RCSD1: variants seen among roughly 807,000 people sequenced by gnomAD.
RCSD1 encodes RCSD domain containing 1.
Under a neutral mutation model 42.5 loss-of-function variants are expected in RCSD1, and 26 were observed. That is an observed-to-expected ratio of 0.61 (90% CI 0.45 to 0.85). RCSD1 has a LOEUF of 0.85. Among genes scored for constraint, RCSD1 ranks in the 40% least tolerant of loss-of-function variants. The probability of loss-of-function intolerance (pLI) is 0.00; values close to 1 mark genes in which losing one functional copy is unlikely to be tolerated. For missense variants in RCSD1, 571 were observed against 528.3 expected (o/e 1.08, Z -0.79); for synonymous variants, 220 against 212.2 (o/e 1.04, Z -0.32).
At chr1:167,702,966 C>T (rs1431192772) in intron 6 of RCSD1, among the ~76,000 whole-genome samples, 3 of 152,082 alleles carry the variant, frequency 2.0e-5, no homozygotes, top group South Asian at 4.1e-4. Flanking sequence ...CAATAAGTGC[C>T]GACTTCCTAA....
chr1:167,652,636 G>A (rs1013152722), intron 1 of RCSD1, among the ~76,000 whole-genome samples: 2 of 151,970 alleles, frequency 1.3e-5, no homozygotes, highest in Non-Finnish European at 2.9e-5. Flanking sequence ...TTTGCCCATC[G>A]AATGCACCTC....
chr1:167,676,513 T>C (rs1438134902), intron 1 of RCSD1, among the ~76,000 whole-genome samples: 2 of 152,254 alleles, frequency 1.3e-5, no homozygotes, highest in Non-Finnish European at 2.9e-5. Context: ...TGTTGTTCTT[T>C]GTGCTTTCCC....
chr1:167,696,935 T>C (rs12093287), intron 5 of RCSD1, among the ~76,000 whole-genome samples, 164 bp from the exon 6 acceptor site: 10,685 of 152,268 alleles, frequency 0.07, 440 homozygotes, highest in Middle Eastern at 0.12. Context: ...ATGGCTCTAA[T>C]CTATAATAAA....
intron 6 of RCSD1, among the ~76,000 whole-genome samples, chr1:167,702,206 G>C (rs898185546): frequency 6.6e-6 from 1 of 152,222 alleles, no homozygotes. Context: ...AAGCACAAAG[G>C]CTGGAGCAAT....
intron 1 of RCSD1, among the ~76,000 whole-genome samples, chr1:167,639,700 G>A (rs186527541): frequency 1.1e-3 from 173 of 152,248 alleles, no homozygotes; most frequent in African/African-American, 4.0e-3. Flanking sequence ...CACCATGTTG[G>A]CCAGGCTGGT....
In RCSD1 at chr1:167,697,568, C is replaced by G; in HGVS notation, c.944C>G (p.Thr315Arg). 6.2e-7 allele frequency: 1 copy of G among 1,607,400 alleles called. No individual in the cohort carries two copies. Among genetic ancestry groups the G allele is most frequent in the Non-Finnish European group, 8.5e-7 (1 of 1,177,084 alleles). Residue 315 changes from threonine to arginine, a missense_variant, in exon 6 of 7, where the codon ACA becomes AGA. Transcript: ENST00000367854. ...AGEEAEMEKA[T>R]EVKGERVQNE... ...GAGGAAGCAGAGATGGAAAAGGCTACAGAGGTGAAGGGGGAGAGGGTGCAA... is the reference window on the plus strand; with the variant it reads ...GAGGAAGCAGAGATGGAAAAGGCTAGAGAGGTGAAGGGGGAGAGGGTGCAA...
At chr1:167,681,390 T>G (rs1051131855) in intron 1 of RCSD1, among the ~76,000 whole-genome samples, 14 of 152,168 alleles carry the variant, frequency 9.2e-5, no homozygotes, top group Admixed American at 8.5e-4. Flanking sequence ...GAGGGGCTGA[T>G]GGTGACAGGA....
At chr1:167,680,480 G>GTTT (rs1659054712) in intron 1 of RCSD1, among the ~76,000 whole-genome samples, 1 of 150,274 alleles carries the variant, frequency 6.7e-6, no homozygotes, top group Admixed American at 6.6e-5. Context: ...TTTTGTTTTT[G>GTTT]TTTTTGTTTT....
At chr1:167,637,730 CCA>C (rs66925392) in intron 1 of RCSD1, among the ~76,000 whole-genome samples, 76,139 of 146,510 alleles carry the variant, frequency 0.52, 20,594 homozygotes, top group East Asian at 0.75. Context: ...TAGGAATAGA[CCA>C]CACACACACA....
chr1:167,681,349 C>T (rs1223983459), intron 1 of RCSD1, among the ~76,000 whole-genome samples: 2 of 152,162 alleles, frequency 1.3e-5, no homozygotes, highest in Non-Finnish European at 1.5e-5. Flanking sequence ...ATCAATCAGT[C>T]TTCTGCAACA....
chr1:167,646,944 A>G (rs1430277069), intron 1 of RCSD1, among the ~76,000 whole-genome samples: 1 of 152,152 alleles, frequency 6.6e-6, no homozygotes, highest in Non-Finnish European at 1.5e-5. Context: ...AGCCTGACCA[A>G]CATGGTGAAA....
chr1:167,636,494 G>A (rs1657854873), intron 1 of RCSD1, among the ~76,000 whole-genome samples: 2 of 152,246 alleles, frequency 1.3e-5, no homozygotes, highest in South Asian at 2.1e-4. Flanking sequence ...CTGGCCTCGA[G>A]GTAGCAATCA....
chr1:167,665,320 T>A (rs1003532515), intron 1 of RCSD1, among the ~76,000 whole-genome samples: 8 of 151,924 alleles, frequency 5.3e-5, no homozygotes, highest in Admixed American at 3.3e-4. Flanking sequence ...TGCTGAATAG[T>A]ATTCCATAAT....
At chr1:167,685,052 C>T (rs1659193464) in intron 2 of RCSD1, among the ~76,000 whole-genome samples, 1 of 152,122 alleles carries the variant, frequency 6.6e-6, no homozygotes, top group Admixed American at 6.5e-5. Context: ...ACAGTACAGG[C>T]ATGTCATAAA....
At chr1:167,690,670 T>A (rs1398662430) in intron 4 of RCSD1, among the ~76,000 whole-genome samples, 1 of 151,904 alleles carries the variant, frequency 6.6e-6, no homozygotes, top group Non-Finnish European at 1.5e-5. Context: ...CAAGCTCCTG[T>A]CTTCAAAAAC....
intron 1 of RCSD1, among the ~76,000 whole-genome samples, chr1:167,649,621 A>G (rs1018107003): frequency 1.3e-5 from 2 of 152,184 alleles, no homozygotes; most frequent in Non-Finnish European, 2.9e-5. Flanking sequence ...AGAGCATGGT[A>G]TGAGGCCTTT....
At chr1:167,700,377 G>A (rs778841972) in intron 6 of RCSD1, among the ~76,000 whole-genome samples, 1 of 152,130 alleles carries the variant, frequency 6.6e-6, no homozygotes, top group Admixed American at 6.5e-5. Flanking sequence ...TGCCAGGCGT[G>A]GTGGCTCACA....
At chr1:167,668,173 T>C (rs537278157) in intron 1 of RCSD1, among the ~76,000 whole-genome samples, 2 of 151,908 alleles carry the variant, frequency 1.3e-5, no homozygotes, top group Non-Finnish European at 2.9e-5. Flanking sequence ...TAATCCCAGC[T>C]ACTCGGGAGG....
chr1:167,644,465 G>T (rs1286124676), intron 1 of RCSD1, among the ~76,000 whole-genome samples: 1 of 151,324 alleles, frequency 6.6e-6, no homozygotes, highest in East Asian at 1.9e-4. Flanking sequence ...GGCAACAAGA[G>T]TGAAACTCTG....
Sources: allele counts gnomAD v4.1 joint callset (sites outside exome capture counted in the v4.1 genomes callset), GRCh38; gene constraint gnomAD v4.1.1; transcripts MANE v1.5; gene names NCBI Gene and HGNC (gene_info 2026-07-23, HGNC 2026-07-21).